XKR4: variants seen among roughly 807,000 people sequenced by gnomAD.
XKR4 encodes XK-related protein 4.
A neutral mutation model predicts 53.9 loss-of-function variants in XKR4; 12 were observed. That is an observed-to-expected ratio of 0.22 (90% CI 0.14 to 0.36). The LOEUF (loss-of-function observed/expected upper bound fraction) is 0.36. XKR4 is among the 10% of genes least tolerant of loss of function. The pLI, the probability that XKR4 is intolerant of heterozygous loss-of-function variation, is 1.00. For synonymous variants in XKR4, 354 were observed against 362.4 expected, an observed-to-expected ratio of 0.98 and a Z score of 0.26; for missense variants, 799 against 859.5, an observed-to-expected ratio of 0.93 and a Z score of 0.88.
rs1378293791 is a variant in XKR4, at chr8:55,527,438, T to C, written c.*3211T>C. The C allele has an allele frequency of 1.3e-5, 2 of 152,226 alleles. No homozygotes were observed. Among genetic ancestry groups the C allele is most frequent in the East Asian group, 3.8e-4 (2 of 5,200 alleles). 9.4% of individuals were successfully genotyped at this position (152,226 alleles called of 1,614,324 possible). On this transcript the variant is annotated 3_prime_UTR_variant, in exon 3 of 3. Transcript: ENST00000327381. ...CAGGAAATTTTCTAAAGGAACAACA[T>C]TGTAATTTGTTTTACTTTTAAACTT...
chr8:55,495,068 G>A (rs548736742), intron 2 of XKR4, among the ~76,000 whole-genome samples: 54 of 152,266 alleles, frequency 3.5e-4, no homozygotes, highest in African/African-American at 1.2e-3. Context: ...TCCCTCCCAC[G>A]CTTGTCAGTG....
At chr8:55,132,382 C>T (rs140442156) in intron 1 of XKR4, among the ~76,000 whole-genome samples, 11 of 152,138 alleles carry the variant, frequency 7.2e-5, no homozygotes, top group South Asian at 2.1e-4. Flanking sequence ...AGTACCAAAC[C>T]GTATATATAC....
At chr8:55,168,538 G>T (rs16921297) in intron 1 of XKR4, among the ~76,000 whole-genome samples, 24,526 of 152,048 alleles carry the variant, frequency 0.16, 4,292 homozygotes, top group African/African-American at 0.44. Flanking sequence ...AATGTCACTC[G>T]CATTAAAATG....
chr8:55,347,820 G>A (rs956282774), intron 1 of XKR4, among the ~76,000 whole-genome samples: 1 of 152,178 alleles, frequency 6.6e-6, no homozygotes, highest in Admixed American at 6.5e-5. Flanking sequence ...ATACTCTGTG[G>A]TAGTTATGCT....
intron 2 of XKR4, among the ~76,000 whole-genome samples, chr8:55,513,752 A>G (rs752113219): frequency 2.0e-5 from 3 of 152,226 alleles, no homozygotes; most frequent in Non-Finnish European, 4.4e-5. Flanking sequence ...ACCTATGCCC[A>G]TACTGTAACC....
chr8:55,494,356 A>G (rs77349906), intron 2 of XKR4, among the ~76,000 whole-genome samples: 1 of 152,242 alleles, frequency 6.6e-6, no homozygotes, highest in Non-Finnish European at 1.5e-5. Context: ...TGGGCTCCCC[A>G]AAGAGCCACA....
At chr8:55,435,945 G>A (rs1394954144) in intron 2 of XKR4, among the ~76,000 whole-genome samples, 1 of 152,082 alleles carries the variant, frequency 6.6e-6, no homozygotes, top group Non-Finnish European at 1.5e-5. Flanking sequence ...ATCTGAAGAC[G>A]GAAAGACACA....
intron 2 of XKR4, among the ~76,000 whole-genome samples, chr8:55,367,832 G>A (rs1403448336): frequency 2.0e-5 from 3 of 152,006 alleles, no homozygotes; most frequent in Admixed American, 6.6e-5. Flanking sequence ...TGCTGCCTCC[G>A]CTGATAACAC....
At chr8:55,176,786 C>A (rs560355889) in intron 1 of XKR4, among the ~76,000 whole-genome samples, 1 of 152,050 alleles carries the variant, frequency 6.6e-6, no homozygotes, top group Non-Finnish European at 1.5e-5. Flanking sequence ...AAATAATGAA[C>A]TAATGATTGC....
At chr8:55,505,119 G>C (rs1554531709) in intron 2 of XKR4, among the ~76,000 whole-genome samples, 1 of 151,680 alleles carries the variant, frequency 6.6e-6, no homozygotes, top group Non-Finnish European at 1.5e-5. Flanking sequence ...ACTTTTTATA[G>C]TTTTTTAAGG....
At chr8:55,169,407 G>A (rs1817119107) in intron 1 of XKR4, among the ~76,000 whole-genome samples, 1 of 152,238 alleles carries the variant, frequency 6.6e-6, no homozygotes, top group African/African-American at 2.4e-5. Context: ...AATCTGAACA[G>A]TAAATGCCAA....
chr8:55,395,693 T>C (rs752940719), intron 2 of XKR4, among the ~76,000 whole-genome samples: 2 of 151,744 alleles, frequency 1.3e-5, no homozygotes, highest in Non-Finnish European at 2.9e-5. Context: ...GGAGAACAAG[T>C]TGGGAGGCTT....
intron 1 of XKR4, among the ~76,000 whole-genome samples, chr8:55,251,791 C>T (rs569898328): frequency 8.5e-5 from 13 of 152,258 alleles, no homozygotes; most frequent in East Asian, 3.9e-4. Flanking sequence ...TTTATGACTC[C>T]GCAAATGTTT....
Position 55,430,386 on chromosome 8 carries a change from T to G in XKR4, c.1006+72509T>G, listed in dbSNP as rs1388796960. 2.6e-5 allele frequency among the ~76,000 whole-genome samples: 4 copies of G among 152,206 alleles called. No homozygotes were observed. The East Asian group carries it at 7.7e-4, about 29-fold the overall frequency. The stretch of plus-strand genomic sequence containing the variant: ...CAGCTTTATTTGTAATACCCCAAAC[T>G]GGAAACAATCTACATTTCCTTCAAC... On this transcript the variant is annotated intron_variant, in intron 2 of 2. Transcript: ENST00000327381.
intron 2 of XKR4, among the ~76,000 whole-genome samples, chr8:55,472,872 G>T (rs548411236): frequency 6.6e-6 from 1 of 152,016 alleles, no homozygotes; most frequent in Non-Finnish European, 1.5e-5. Flanking sequence ...TTACAGAAGC[G>T]TTGTCTTATG....
chr8:55,343,492 G>A (rs779312463), intron 1 of XKR4, among the ~76,000 whole-genome samples: 6 of 152,052 alleles, frequency 3.9e-5, no homozygotes, highest in African/African-American at 4.8e-5. Context: ...GAAGCCTTTC[G>A]GCATTCCACT....
intron 1 of XKR4, among the ~76,000 whole-genome samples, chr8:55,258,874 A>C (rs1818475348): frequency 6.6e-6 from 1 of 152,094 alleles, no homozygotes; most frequent in South Asian, 2.1e-4. Context: ...GCCACCGGGG[A>C]GTTGGAAAAG....
Position 55,312,450 on chromosome 8 carries a change from G to A in XKR4, c.807-45228G>A, listed in dbSNP as rs74948701. 1.5e-3 allele frequency among the ~76,000 whole-genome samples: 222 copies of A among 152,240 alleles called. 2 individuals carry two copies. In the East Asian group the frequency reaches 0.036, roughly 25 times the overall value. On this transcript the variant is annotated intron_variant, in intron 1 of 2. Transcript: ENST00000327381. ...CAGAATAAGAAGGCATATTTAAGAA[G>A]TTGATACAAACCCCACACTATGGTT...
chr8:55,369,480 C>A (rs769746732), intron 2 of XKR4, among the ~76,000 whole-genome samples: 2 of 105,752 alleles, frequency 1.9e-5, no homozygotes, highest in African/African-American at 3.9e-5. Context: ...GAGGGGAGGA[C>A]AGAGAGAGAG....
Sources: allele counts gnomAD v4.1 joint callset (sites outside exome capture counted in the v4.1 genomes callset), GRCh38; gene constraint gnomAD v4.1.1; transcripts MANE v1.5; gene names NCBI Gene and HGNC (gene_info 2026-07-23, HGNC 2026-07-21).